The following GAD2 variants were observed in gnomAD, a reference collection of about 807,000 sequenced individuals.
GAD2 encodes glutamate decarboxylase 2.
A neutral mutation model predicts 80.1 loss-of-function variants in GAD2; 22 were observed. The observed-to-expected ratio is 0.27, with a 90% CI of 0.20 to 0.39. The LOEUF (loss-of-function observed/expected upper bound fraction) is 0.39, where lower values mean the gene tolerates loss of function less well. Ranked by LOEUF, GAD2 falls within the 10% of genes least tolerant of loss-of-function variation. The pLI is 1.00. For missense variants in GAD2, 624 were observed against 738.4 expected, an observed-to-expected ratio of 0.85 and a Z score of 1.80; for synonymous variants, 274 against 256.9, an observed-to-expected ratio of 1.07 and a Z score of -0.64.
intron 8 of GAD2, among the ~76,000 whole-genome samples, chr10:26,267,688 C>G (rs1397395532): frequency 1.3e-5 from 2 of 151,978 alleles, no homozygotes; most frequent in African/African-American, 4.8e-5. Context: ...AACAGCTTCA[C>G]TTAAATCAGT....
rs1564315383 is a variant in GAD2, at chr10:26,303,480, G to GAGGGAGGGAAGAAGGA, written c.*2522_*2523insGAGGGAAGAAGGAAGG. 8.1e-6 allele frequency: 1 copy of GAGGGAGGGAAGAAGGA among 123,318 alleles called. No homozygotes were observed. The highest frequency in any genetic ancestry group is 3.0e-5 in the African/African-American group (1 of 33,168). 7.6% of individuals were successfully genotyped at this position (123,318 alleles called of 1,614,324 possible). On this transcript the variant is annotated 3_prime_UTR_variant, in exon 16 of 16. Transcript: ENST00000376261. Reference sequence around the variant, plus strand: ...GGAGGGAGGGAGGGAAGGAGGGAGGGAGGAAGGAAATGAAGGGAGGGAGGG... The same window carrying GAGGGAGGGAAGAAGGA: ...GGAGGGAGGGAGGGAAGGAGGGAGGGAGGGAGGGAAGAAGGAAGGAAGGAAATGAAGGGAGGGAGGG...
At chr10:26,245,310 A>C (rs936589517) in intron 7 of GAD2, among the ~76,000 whole-genome samples, 1 of 152,104 alleles carries the variant, frequency 6.6e-6, no homozygotes, top group Non-Finnish European at 1.5e-5. Context: ...GGTGCAGCAA[A>C]CCACCATGGC....
rs770007139 is a variant in GAD2 at position 26,300,878 on chromosome 10, A to G, written c.1675A>G (p.Met559Val). ...GGGAGACAAGGTCAATTTCTTCCGC[A>G]TGGTCATCTCAAACCCAGCGGCAAC... ...PLGDKVNFFRMVISNPAATHQ... is the reference protein window; with the variant it reads ...PLGDKVNFFRVVISNPAATHQ... Residue 559 changes from methionine (M) to valine (V), a missense_variant, in exon 16 of 16, where the codon ATG becomes GTG. Physicochemically the swap from Met to Val is conservative, Grantham distance 21. Coordinates refer to ENST00000376261, the MANE Select transcript of GAD2 (RefSeq NM_001134366.2). 4 of 1,613,814 alleles carry G rather than the reference A, an allele frequency of 2.5e-6. No homozygotes were observed. The South Asian group carries it at 4.4e-5, about 18-fold the overall frequency.
At chr10:26,237,587 G>C (rs1212032841) in intron 7 of GAD2, among the ~76,000 whole-genome samples, 1 of 152,054 alleles carries the variant, frequency 6.6e-6, no homozygotes, top group Non-Finnish European at 1.5e-5. Context: ...CCTTAAGAGG[G>C]ATGTGCCCTT....
chr10:26,240,327 T>A (rs1844724655), intron 7 of GAD2, among the ~76,000 whole-genome samples: 1 of 152,186 alleles, frequency 6.6e-6, no homozygotes, highest in South Asian at 2.1e-4. Flanking sequence ...AATATTCTCA[T>A]CCCACTCAAA....
chr10:26,301,628 A>G lies in GAD2; in HGVS notation c.*667A>G, dbSNP rs1459955668. On this transcript the variant is annotated 3_prime_UTR_variant, in exon 16 of 16. Coordinates refer to ENST00000376261, the MANE Select transcript of GAD2 (RefSeq NM_001134366.2). ...ACACTTAGCAAAGTTATTTTGAAAC[A>G]TTGACCCACGAAATTCTTAAAAGGT... 6.6e-6 allele frequency: 1 copy of G among 152,190 alleles called. No homozygotes were observed. Among genetic ancestry groups the G allele is most frequent in the East Asian group, 1.9e-4 (1 of 5,204 alleles). 9.4% of individuals were successfully genotyped at this position (152,190 alleles called of 1,614,324 possible). A position where few individuals can be genotyped will look rare whatever the true frequency, so the allele number is the denominator to read the frequency against.
chr10:26,217,845 T>G lies in GAD2; in HGVS notation c.140T>G (p.Leu47Arg). The G allele has an allele frequency of 6.2e-7, 1 of 1,603,822 alleles. No individual in the cohort carries two copies. Among genetic ancestry groups the G allele is most frequent in the Non-Finnish European group, 8.5e-7 (1 of 1,175,140 alleles). The change falls in exon 3 of 16, where the codon CTG becomes CGG. Residue 47 changes from leucine to arginine, a missense_variant. Transcript: ENST00000376261. This position sits in a 1 kb window ranked among gnomAD's most constrained non-coding sequence, Gnocchi z 4.9. The part of the protein sequence containing the change: ...TGGIGNKLCA[L>R]LYGDAEKPAE... ...CGCGTTCGGTGTCCTTACCCAGCCC[T>G]GCTCTACGGAGACGCCGAGAAGCCG...
At chr10:26,297,168 C>G (rs563613689) in intron 15 of GAD2, among the ~76,000 whole-genome samples, 1 of 152,068 alleles carries the variant, frequency 6.6e-6, no homozygotes, top group Non-Finnish European at 1.5e-5. Flanking sequence ...CTTAAGTGAT[C>G]GGCTCACCTC....
chr10:26,265,879 G>A (rs1057092027), intron 8 of GAD2, among the ~76,000 whole-genome samples: 2 of 152,146 alleles, frequency 1.3e-5, no homozygotes, highest in Non-Finnish European at 2.9e-5. Flanking sequence ...CTCTGTCCCC[G>A]CAACATATGG....
chr10:26,218,674 C>G (rs1589135585), intron 3 of GAD2, among the ~76,000 whole-genome samples: 1 of 151,884 alleles, frequency 6.6e-6, no homozygotes, highest in South Asian at 2.1e-4. Flanking sequence ...GCATTCGAGA[C>G]AAACACTTCT....
chr10:26,273,570 C>T, intron 10 of GAD2, 66 bp from the exon 11 acceptor site: 2 of 1,340,490 alleles, frequency 1.5e-6, no homozygotes, highest in Non-Finnish European at 2.1e-6. Context: ...CCTAGAAAGA[C>T]ACCAGACTAT....
intron 6 of GAD2, among the ~76,000 whole-genome samples, chr10:26,228,280 C>G (rs181235100): frequency 2.0e-5 from 3 of 152,226 alleles, no homozygotes; most frequent in Admixed American, 1.3e-4. Flanking sequence ...TCAAGTGAGA[C>G]TCTACTTACA....
At chr10:26,271,679 C>T (rs988869698) in intron 10 of GAD2, among the ~76,000 whole-genome samples, 1 of 152,196 alleles carries the variant, frequency 6.6e-6, no homozygotes, top group Admixed American at 6.5e-5. Flanking sequence ...AGCACTGGGT[C>T]TAAGCCAGGG....
intron 8 of GAD2, among the ~76,000 whole-genome samples, chr10:26,258,810 C>T (rs1266003824): frequency 3.1e-5 from 4 of 130,514 alleles, no homozygotes; most frequent in Non-Finnish European, 6.2e-5. Context: ...TTGCTTCCAC[C>T]AATTTTTTTT....
intron 8 of GAD2, among the ~76,000 whole-genome samples, chr10:26,257,169 G>T (rs139163023): frequency 1.3e-5 from 2 of 152,248 alleles, no homozygotes; most frequent in East Asian, 3.9e-4. Context: ...CTGAGGTCAG[G>T]AGTTCAAGAC....
intron 8 of GAD2, among the ~76,000 whole-genome samples, chr10:26,266,630 C>G (rs1394746864): frequency 6.6e-6 from 1 of 152,180 alleles, no homozygotes; most frequent in African/African-American, 2.4e-5. Context: ...ACTAGAGCCA[C>G]CCCCATTCCT....
chr10:26,271,720 C>A (rs552563871), intron 10 of GAD2, among the ~76,000 whole-genome samples: 2 of 152,222 alleles, frequency 1.3e-5, no homozygotes, highest in African/African-American at 4.8e-5. Context: ...TGGCTTAGAT[C>A]ATTTTGGCTT....
At chr10:26,296,562 A>T (rs1177227478) in intron 15 of GAD2, among the ~76,000 whole-genome samples, 1 of 152,168 alleles carries the variant, frequency 6.6e-6, no homozygotes, top group Non-Finnish European at 1.5e-5. Context: ...CAGATGATGA[A>T]TGCTTGGGGC....
intron 8 of GAD2, among the ~76,000 whole-genome samples, chr10:26,253,229 AT>A (rs1378794711): frequency 6.6e-6 from 1 of 152,198 alleles, no homozygotes; most frequent in Non-Finnish European, 1.5e-5. Flanking sequence ...TTTTGTAAAA[AT>A]TACTTATTAA....
Sources: gnomAD v4.1 joint callset for allele counts (sites outside exome capture counted in the v4.1 genomes callset) on GRCh38, gnomAD v4.1.1 for gene constraint, Gnocchi (gnomAD v3.1) non-coding constraint, MANE v1.5 for transcripts, NCBI Gene and HGNC (gene_info 2026-07-23, HGNC 2026-07-21) for gene names.